Variants in NTM observed in about 807,000 individuals in gnomAD.
NTM encodes the protein neurotrimin.
NTM carries 13 observed loss-of-function variants against 42.1 expected under a neutral mutation model. That is an observed-to-expected ratio of 0.31 (90% confidence interval 0.20 to 0.49). The LOEUF (loss-of-function observed/expected upper bound fraction) is 0.49. NTM is among the 20% of genes least tolerant of loss of function. NTM has a pLI of 0.99. For synonymous variants in NTM, 187 were observed against 179.2 expected (o/e 1.04, Z -0.35); for missense variants, 373 against 452.8 (o/e 0.82, Z 1.60).
intron 1 of NTM, 106 bp from the exon 2 acceptor site, chr11:131,911,458 T>C (rs750250787): frequency 2.9e-4 from 460 of 1,613,986 alleles, no homozygotes; most frequent in Middle Eastern, 5.0e-4. Flanking sequence ...CTGCCGGAGT[T>C]CGGGGAAGTT....
intron 1 of NTM, among the ~76,000 whole-genome samples, chr11:131,666,461 G>A (rs1194684726): frequency 1.3e-5 from 2 of 152,138 alleles, no homozygotes; most frequent in East Asian, 1.9e-4. Context: ...TGCACAAGGC[G>A]TTGCGAGGGC....
At chr11:132,194,756 G>A (rs1047258449) in intron 3 of NTM, among the ~76,000 whole-genome samples, 7 of 148,774 alleles carry the variant, frequency 4.7e-5, no homozygotes, top group African/African-American at 1.5e-4. Flanking sequence ...ACTGATAAAC[G>A]ACCACAGTAG....
At chr11:131,921,527 C>T (rs1470303844) in intron 2 of NTM, among the ~76,000 whole-genome samples, 1 of 152,144 alleles carries the variant, frequency 6.6e-6, no homozygotes, top group African/African-American at 2.4e-5. Flanking sequence ...CAACACATTT[C>T]CACTGTTTTC....
chr11:131,823,221 G>T (rs998533071), intron 1 of NTM, among the ~76,000 whole-genome samples: 7 of 152,170 alleles, frequency 4.6e-5, no homozygotes, highest in South Asian at 2.1e-4. Flanking sequence ...CTCTTAGAGG[G>T]TTATTTTCTT....
intron 1 of NTM, among the ~76,000 whole-genome samples, chr11:131,737,774 G>T (rs531625931): frequency 6.6e-6 from 1 of 152,038 alleles, no homozygotes; most frequent in East Asian, 1.9e-4. Flanking sequence ...AGGCAGGATG[G>T]GGGTGGGTAG....
At chr11:131,757,750 A>G (rs563494304) in intron 1 of NTM, among the ~76,000 whole-genome samples, 3 of 152,212 alleles carry the variant, frequency 2.0e-5, no homozygotes, top group Non-Finnish European at 4.4e-5. Flanking sequence ...GTATACATAT[A>G]AAAGCAGGAT....
chr11:131,684,752 G>A (rs2073585296), intron 1 of NTM, among the ~76,000 whole-genome samples: 2 of 152,218 alleles, frequency 1.3e-5, no homozygotes, highest in African/African-American at 2.4e-5. Flanking sequence ...GGAGGCAGCA[G>A]TGCATACCCT....
At chr11:131,975,463 C>G (rs902218051) in intron 2 of NTM, among the ~76,000 whole-genome samples, 8 of 152,126 alleles carry the variant, frequency 5.3e-5, no homozygotes, top group Admixed American at 2.0e-4. Flanking sequence ...CAGGCGTGAG[C>G]CACTGCGCCT....
intron 1 of NTM, among the ~76,000 whole-genome samples, chr11:131,402,946 A>G (rs143705897): frequency 1.9e-3 from 293 of 152,346 alleles, no homozygotes; most frequent in African/African-American, 6.7e-3. Context: ...AATTAAAATA[A>G]AGGATACTCC....
intron 1 of NTM, among the ~76,000 whole-genome samples, chr11:131,574,346 G>A (rs896611943): frequency 6.6e-6 from 1 of 152,026 alleles, no homozygotes; most frequent in African/African-American, 2.4e-5. Flanking sequence ...CCCCTCAGGT[G>A]CCCCACTCCC....
At chr11:131,642,574 C>G (rs2065266458) in intron 1 of NTM, among the ~76,000 whole-genome samples, 1 of 152,134 alleles carries the variant, frequency 6.6e-6, no homozygotes, top group South Asian at 2.1e-4. Flanking sequence ...AGGGGGCTAA[C>G]CACGTTCCCT....
intron 2 of NTM, among the ~76,000 whole-genome samples, chr11:131,985,947 G>A (rs983056331): frequency 2.6e-5 from 4 of 152,094 alleles, no homozygotes; most frequent in Non-Finnish European, 5.9e-5. Flanking sequence ...ACCTCCCTCC[G>A]CCCTCTAGGC....
intron 1 of NTM, among the ~76,000 whole-genome samples, chr11:131,612,091 A>G (rs755052390): frequency 1.3e-5 from 2 of 152,188 alleles, no homozygotes; most frequent in Non-Finnish European, 2.9e-5. Flanking sequence ...AAAGCCAGCC[A>G]CCACATCCTA....
intron 1 of NTM, among the ~76,000 whole-genome samples, chr11:131,631,968 C>T (rs1052877005): frequency 2.0e-5 from 3 of 151,858 alleles, no homozygotes; most frequent in Non-Finnish European, 2.9e-5. Flanking sequence ...TCCCTAGATG[C>T]TAGATATTTT....
At chr11:131,756,736 A>T (rs1168227049) in intron 1 of NTM, among the ~76,000 whole-genome samples, 1 of 152,128 alleles carries the variant, frequency 6.6e-6, no homozygotes, top group Non-Finnish European at 1.5e-5. Flanking sequence ...CATCTCAGGA[A>T]AAAGAGGAAA....
intron 1 of NTM, among the ~76,000 whole-genome samples, chr11:131,619,265 GTT>G (rs753674505): frequency 7.9e-5 from 12 of 152,336 alleles, no homozygotes; most frequent in Non-Finnish European, 1.6e-4. Context: ...TATCAAGGAA[GTT>G]TCCTTTCTCC....
At chr11:131,598,852 C>CTTT (rs2060171376) in intron 1 of NTM, among the ~76,000 whole-genome samples, 1 of 36,164 alleles carries the variant, frequency 2.8e-5, no homozygotes, top group African/African-American at 8.3e-5. Context: ...TTTCTTTCTT[C>CTTT]CTTCCTTCCT....
At chr11:132,246,555 C>G (rs2091196893) in intron 4 of NTM, among the ~76,000 whole-genome samples, 1 of 152,204 alleles carries the variant, frequency 6.6e-6, no homozygotes, top group Non-Finnish European at 1.5e-5. Context: ...ATAGTTGACT[C>G]CCTCTCTGGT....
At chr11:131,850,813 C>T (rs1482536126) in intron 1 of NTM, among the ~76,000 whole-genome samples, 2 of 152,156 alleles carry the variant, frequency 1.3e-5, no homozygotes, top group Non-Finnish European at 2.9e-5. Context: ...CTTTTTAATT[C>T]AGGTGTGGGC....
Sources: allele counts gnomAD v4.1 joint callset (sites outside exome capture counted in the v4.1 genomes callset), GRCh38; gene constraint gnomAD v4.1.1; transcripts MANE v1.5; gene names NCBI Gene and HGNC (gene_info 2026-07-23, HGNC 2026-07-21).